Variants in CNKSR2 observed in about 807,000 individuals in gnomAD.
The protein encoded by CNKSR2 is connector enhancer of kinase suppressor of Ras 2.
CNKSR2 carries 14 observed loss-of-function variants against 84.4 expected under a neutral mutation model. That is an observed-to-expected ratio of 0.17 (90% CI 0.11 to 0.26). CNKSR2 has a LOEUF of 0.26. Ranked by LOEUF, CNKSR2 falls within the 10% of genes least tolerant of loss-of-function variation. CNKSR2 has a pLI of 1.00. For missense variants in CNKSR2, 485 were observed against 771.2 expected (o/e 0.63, Z 4.40); for synonymous variants, 275 against 277.9 (o/e 0.99, Z 0.10).
At chrX:21,607,328 G>T (rs895088490) in intron 19 of CNKSR2, among the ~76,000 whole-genome samples, 1 of 111,438 alleles carries the variant, frequency 9.0e-6, no homozygotes, top group African/African-American at 3.3e-5. Context: ...ATGGGACCTG[G>T]TTTAATGTAT....
At position 21,470,859 on chromosome X, in the gene CNKSR2, C is replaced by A. The variant is rs767936829; in HGVS notation, c.561+52C>A. 4.4e-5 allele frequency: 30 copies of A among 686,890 alleles called. No individual in the cohort carries two copies. The African/African-American group carries it at 5.6e-4, about 13-fold the overall frequency. The allele number at this position is 686,890 out of a possible 1,213,427, so 56.6% of individuals were successfully genotyped here. A position where few individuals can be genotyped will look rare whatever the true frequency, so the allele number is the denominator to read the frequency against. On this transcript the variant is annotated intron_variant, in intron 5 of 21. Transcript: ENST00000379510. The stretch of plus-strand genomic sequence containing the variant: ...CTTTATTAGAGGATATTTCCTTGTT[C>A]AACTAGAAGAGGTGAACCATAAGAA...
At chrX:21,396,759 G>A (rs2090127425) in intron 1 of CNKSR2, among the ~76,000 whole-genome samples, 1 of 111,751 alleles carries the variant, frequency 8.9e-6, no homozygotes, top group African/African-American at 3.2e-5. Flanking sequence ...AAGCATCTGA[G>A]CTCGGAGAGG....
At chrX:21,470,554 C>T (rs1254859831) in intron 4 of CNKSR2, among the ~76,000 whole-genome samples, 2 of 110,564 alleles carry the variant, frequency 1.8e-5, no homozygotes, top group Non-Finnish European at 3.8e-5. Flanking sequence ...TTAGAATATA[C>T]AGTTAAGCAA....
rs746949851 is a variant in CNKSR2 at position 21,457,851 on chromosome X, C to T, written c.520-12915C>T. ...TTTGCATGTTTTGTAATTTACAAAA[C>T]ATTTCCATATCACTTGATGTTCATA... On this transcript the variant is annotated intron_variant, in intron 4 of 21. Coordinates refer to ENST00000379510, the MANE Select transcript of CNKSR2 (RefSeq NM_014927.5). Among the ~76,000 whole-genome samples, 349 of 111,987 alleles carry T rather than the reference C, an allele frequency of 3.1e-3. 1 individual carries two copies. Among genetic ancestry groups the T allele is most frequent in the Non-Finnish European group, 5.0e-3 (265 of 53,125 alleles).
intron 1 of CNKSR2, chrX:21,425,788 G>T (rs184749516): frequency 2.2e-4 from 25 of 111,726 alleles, no homozygotes; most frequent in Admixed American, 2.0e-3. Context: ...CTTATGAATT[G>T]CCCTGGGTAA....
At chrX:21,462,550 G>T (rs2091074241) in intron 4 of CNKSR2, among the ~76,000 whole-genome samples, 1 of 110,581 alleles carries the variant, frequency 9.0e-6, no homozygotes. Context: ...AATTGCTCTG[G>T]CTAGGACTTC....
At chrX:21,461,749 C>T (rs770746173) in intron 4 of CNKSR2, among the ~76,000 whole-genome samples, 3 of 111,880 alleles carry the variant, frequency 2.7e-5, no homozygotes, top group Non-Finnish European at 5.6e-5. Context: ...CATTCTAATG[C>T]CCATGGATAT....
At chrX:21,520,557 C>T (rs2091772503) in intron 9 of CNKSR2, among the ~76,000 whole-genome samples, 1 of 110,106 alleles carries the variant, frequency 9.1e-6, no homozygotes. Context: ...TATGTGTAGG[C>T]CAAGAGCATA....
chrX:21,492,747 T>G (rs1346411828), intron 6 of CNKSR2: 3 of 111,965 alleles, frequency 2.7e-5, no homozygotes, highest in African/African-American at 9.7e-5. Context: ...AGTATAAAAC[T>G]ATTTTTTGTG....
intron 6 of CNKSR2, chrX:21,495,841 T>C (rs1205712089): frequency 1.1e-5 from 1 of 87,761 alleles, no homozygotes; most frequent in Non-Finnish European, 2.1e-5. Context: ...ATTTACTCTC[T>C]AGCTCTTACA....
chrX:21,632,736 T>A (rs773041109), intron 20 of CNKSR2, among the ~76,000 whole-genome samples: 1 of 111,741 alleles, frequency 8.9e-6, no homozygotes, highest in Non-Finnish European at 1.9e-5. Context: ...TTAGTATCTT[T>A]TAGATTAGTT....
Position 21,652,894 on chromosome X carries a change from A to C in CNKSR2, c.*373A>C, listed in dbSNP as rs1432971025. On this transcript the variant is annotated 3_prime_UTR_variant, in exon 22 of 22. Transcript: ENST00000379510. Reference sequence around the variant, plus strand: ...ATAAACAAGACTTCAAAAGTAAATCACATTTTTTCAGGTGCAGACATCCTT... The same window carrying C: ...ATAAACAAGACTTCAAAAGTAAATCCCATTTTTTCAGGTGCAGACATCCTT... The C allele has an allele frequency of 8.1e-6, 1 of 123,615 alleles. No individual in the cohort carries two copies. The highest frequency in any genetic ancestry group is 1.6e-5 in the Non-Finnish European group (1 of 61,195). The allele number at this position is 123,615 out of a possible 1,213,427, so 10.2% of individuals were successfully genotyped here.
chrX:21,416,594 T>C (rs1471477113), intron 1 of CNKSR2, among the ~76,000 whole-genome samples: 1 of 111,618 alleles, frequency 9.0e-6, no homozygotes, highest in African/African-American at 3.3e-5. Flanking sequence ...CTTTTTATTA[T>C]GGCTTCAATC....
At chrX:21,517,427 C>G (rs2147097870) in intron 9 of CNKSR2, among the ~76,000 whole-genome samples, 1 of 110,636 alleles carries the variant, frequency 9.0e-6, no homozygotes, top group African/African-American at 3.3e-5. Context: ...GATCATTTTT[C>G]TCTTTCCACC....
At chrX:21,406,196 T>C (rs1479153393) in intron 1 of CNKSR2, among the ~76,000 whole-genome samples, 2 of 111,442 alleles carry the variant, frequency 1.8e-5, no homozygotes, top group Admixed American at 9.5e-5. Flanking sequence ...GCACTGAGCA[T>C]GTGAGGGATC....
intron 5 of CNKSR2, among the ~76,000 whole-genome samples, chrX:21,475,809 T>C (rs933304311): frequency 2.7e-5 from 3 of 111,907 alleles, no homozygotes; most frequent in African/African-American, 9.7e-5. Flanking sequence ...TCTGAAATGC[T>C]TGAGATTAGA....
At chrX:21,483,629 C>T (rs1369103289) in intron 5 of CNKSR2, among the ~76,000 whole-genome samples, 1 of 103,696 alleles carries the variant, frequency 9.6e-6, no homozygotes, top group African/African-American at 3.5e-5. Flanking sequence ...AGAAATTCTT[C>T]CTGAGTTGGA....
chrX:21,406,316 C>T (rs1347659851), intron 1 of CNKSR2, among the ~76,000 whole-genome samples: 1 of 111,184 alleles, frequency 9.0e-6, no homozygotes, highest in Non-Finnish European at 1.9e-5. Context: ...TCCACAAAGC[C>T]GGTCCCTGGG....
intron 13 of CNKSR2, among the ~76,000 whole-genome samples, chrX:21,577,010 G>A (rs1288052313): frequency 9.0e-6 from 1 of 111,646 alleles, no homozygotes; most frequent in Non-Finnish European, 1.9e-5. Flanking sequence ...GAGATTTGAT[G>A]TACAAGACTT....
Sources: gnomAD v4.1 joint callset for allele counts (sites outside exome capture counted in the v4.1 genomes callset) on GRCh38, gnomAD v4.1.1 for gene constraint, MANE v1.5 for transcripts, NCBI Gene and HGNC (gene_info 2026-07-23, HGNC 2026-07-21) for gene names.